The following DLGAP2 variants were observed in gnomAD, a reference collection of about 807,000 sequenced individuals.
The protein encoded by DLGAP2 is disks large-associated protein 2.
DLGAP2 carries 26 observed loss-of-function variants against 100.3 expected under a neutral mutation model. That is an observed-to-expected ratio of 0.26 (90% CI 0.19 to 0.36). The LOEUF (loss-of-function observed/expected upper bound fraction) is 0.36. Ranked by LOEUF, DLGAP2 falls within the 10% of genes least tolerant of loss-of-function variation. The probability of loss-of-function intolerance (pLI) is 1.00; values close to 1 mark genes in which losing one functional copy is unlikely to be tolerated. For synonymous variants in DLGAP2, 886 were observed against 630.1 expected (o/e 1.41, Z -6.08); for missense variants, 1,858 against 1,453.2 (o/e 1.28, Z -4.53).
Position 1,186,112 on chromosome 8 carries a change from C to T in DLGAP2, c.74-72739C>T, listed in dbSNP as rs577588072. 3.9e-5 allele frequency among the ~76,000 whole-genome samples: 6 copies of T among 152,322 alleles called. No homozygotes were observed. The South Asian group carries it at 8.3e-4, about 21-fold the overall frequency. ...GGGCCACCTCCCCACTCGGTGGCCT[C>T]GCCAAGGTGCTTCTCGCTTTGCGCC... On this transcript the variant is annotated intron_variant, in intron 2 of 14. Coordinates refer to ENST00000637795, the MANE Select transcript of DLGAP2 (RefSeq NM_001346810.2).
At chr8:1,628,439 T>A (rs1459933641) in intron 7 of DLGAP2, among the ~76,000 whole-genome samples, 1 of 115,242 alleles carries the variant, frequency 8.7e-6, no homozygotes, top group Non-Finnish European at 1.8e-5. Context: ...ACATTCTGTC[T>A]GACTTACTGT....
intron 6 of DLGAP2, among the ~76,000 whole-genome samples, chr8:1,609,595 G>A (rs1418934623): frequency 3.1e-5 from 4 of 128,662 alleles, no homozygotes; most frequent in East Asian, 3.1e-4. Context: ...AGACTGGCAA[G>A]TTGGATAAAG....
intron 3 of DLGAP2, among the ~76,000 whole-genome samples, chr8:1,448,983 T>G (rs1469495319): frequency 1.3e-5 from 2 of 152,188 alleles, no homozygotes; most frequent in African/African-American, 4.8e-5. Flanking sequence ...AAGTCTGGTT[T>G]AAAAGCTGAC....
chr8:873,991 G>C (rs1797645419), intron 1 of DLGAP2, among the ~76,000 whole-genome samples: 1 of 151,956 alleles, frequency 6.6e-6, no homozygotes, highest in Admixed American at 6.5e-5. Context: ...CATCTACTTT[G>C]TTAGTGTAAA....
intron 2 of DLGAP2, among the ~76,000 whole-genome samples, chr8:1,168,427 C>G (rs1190210443): frequency 6.6e-6 from 1 of 151,336 alleles, no homozygotes; most frequent in Non-Finnish European, 1.5e-5. Flanking sequence ...AATGGTATTT[C>G]TAGTTCTAGA....
chr8:1,219,135 TG>T (rs138188316), intron 2 of DLGAP2, among the ~76,000 whole-genome samples: 2 of 152,338 alleles, frequency 1.3e-5, no homozygotes, highest in Non-Finnish European at 2.9e-5. Context: ...CTGACTGCTC[TG>T]GCAAGGACTT....
chr8:927,526 C>G (rs1451448451), intron 2 of DLGAP2, among the ~76,000 whole-genome samples: 1 of 152,164 alleles, frequency 6.6e-6, no homozygotes, highest in Non-Finnish European at 1.5e-5. Flanking sequence ...CGCGTGTGTC[C>G]CTCACCCAGA....
intron 3 of DLGAP2, among the ~76,000 whole-genome samples, chr8:1,424,021 C>T (rs1300133496): frequency 6.6e-6 from 1 of 152,206 alleles, no homozygotes; most frequent in Non-Finnish European, 1.5e-5. Flanking sequence ...ATTCAAAGCT[C>T]GTATCAGGCA....
chr8:1,581,531 C>A (rs945860222), intron 6 of DLGAP2, among the ~76,000 whole-genome samples: 2 of 149,278 alleles, frequency 1.3e-5, no homozygotes, highest in Non-Finnish European at 3.0e-5. Context: ...ACTCCACACA[C>A]ATCTACACAC....
At chr8:1,021,697 G>C (rs1034278422) in intron 2 of DLGAP2, among the ~76,000 whole-genome samples, 1 of 152,168 alleles carries the variant, frequency 6.6e-6, no homozygotes, top group Non-Finnish European at 1.5e-5. Context: ...TTACAGGTGA[G>C]TACTTCCCTG....
chr8:1,343,355 C>G (rs1801463064), intron 3 of DLGAP2, among the ~76,000 whole-genome samples: 3 of 152,154 alleles, frequency 2.0e-5, no homozygotes, highest in Non-Finnish European at 4.4e-5. Context: ...TAGGACAAGA[C>G]TCACAGACAC....
chr8:1,637,891 C>T (rs561761371), intron 8 of DLGAP2, among the ~76,000 whole-genome samples: 58 of 152,274 alleles, frequency 3.8e-4, no homozygotes, highest in African/African-American at 1.0e-3. Context: ...CAGCAGCGTC[C>T]GGGAGGCCTT....
At chr8:1,561,089 A>C (rs1802142141) in intron 5 of DLGAP2, among the ~76,000 whole-genome samples, 1 of 152,076 alleles carries the variant, frequency 6.6e-6, no homozygotes, top group African/African-American at 2.4e-5. Context: ...ATGGTGACTA[A>C]GTCTTATGAG....
chr8:1,670,464 G>C (rs1186986094), intron 10 of DLGAP2, among the ~76,000 whole-genome samples: 2 of 152,156 alleles, frequency 1.3e-5, no homozygotes, highest in African/African-American at 4.8e-5. Flanking sequence ...CCCCTTCCCG[G>C]AGGCCTCTCT....
chr8:869,460 T>C (rs904900009), intron 1 of DLGAP2, among the ~76,000 whole-genome samples: 1 of 152,222 alleles, frequency 6.6e-6, no homozygotes, highest in Non-Finnish European at 1.5e-5. Flanking sequence ...GTTTGTACGC[T>C]GAGGGCTCAA....
chr8:1,491,004 C>T (rs1223697826), intron 3 of DLGAP2, among the ~76,000 whole-genome samples: 1 of 137,196 alleles, frequency 7.3e-6, no homozygotes, highest in Non-Finnish European at 1.6e-5. Context: ...TGCACATGTA[C>T]CCTAAAACTT....
At chr8:1,160,830 G>A (rs73530485) in intron 2 of DLGAP2, among the ~76,000 whole-genome samples, 2 of 152,312 alleles carry the variant, frequency 1.3e-5, no homozygotes, top group African/African-American at 2.4e-5. Flanking sequence ...AGACCAGCAC[G>A]CGATTCCGCC....
chr8:1,602,657 C>T lies in DLGAP2; in HGVS notation c.1443-24083C>T, dbSNP rs182288724. ...TCTACCAGCTCAGAGACCACCAAGG[C>T]AGCAAGGAAGCCCCTCCTTCCCAGG... is the stretch of plus-strand genomic sequence containing the variant. On this transcript the variant is annotated intron_variant, in intron 6 of 14. Coordinates refer to ENST00000637795, the MANE Select transcript of DLGAP2 (RefSeq NM_001346810.2). 3.1e-3 allele frequency among the ~76,000 whole-genome samples: 473 copies of T among 152,324 alleles called. 6 individuals are homozygous for T. The highest frequency in any genetic ancestry group is 0.028 in the South Asian group (135 of 4,822).
intron 12 of DLGAP2, among the ~76,000 whole-genome samples, chr8:1,690,973 G>T (rs1045315367): frequency 6.6e-6 from 1 of 152,088 alleles, no homozygotes; most frequent in Admixed American, 6.6e-5. Context: ...TTCCTGTGAG[G>T]CCTCTGTCCA....
Sources: gnomAD v4.1 joint callset for allele counts (sites outside exome capture counted in the v4.1 genomes callset) on GRCh38, gnomAD v4.1.1 for gene constraint, MANE v1.5 for transcripts, NCBI Gene and HGNC (gene_info 2026-07-23, HGNC 2026-07-21) for gene names.